HELZ: variants seen among roughly 807,000 people sequenced by gnomAD.
The protein encoded by HELZ is helicase with zinc finger.
HELZ carries 23 observed loss-of-function variants against 218.2 expected under a neutral mutation model. The ratio of observed to expected loss-of-function variants is 0.11; its 90% confidence interval spans 0.08 to 0.15. The LOEUF is 0.15. Ranked by LOEUF, HELZ falls within the 10% of genes least tolerant of loss-of-function variation. HELZ has a pLI of 1.00. For synonymous variants in HELZ, 814 were observed against 829.4 expected, an observed-to-expected ratio of 0.98 and a Z score of 0.32; for missense variants, 1,813 against 2,353.7, an observed-to-expected ratio of 0.77 and a Z score of 4.75.
chr17:67,137,907 G>A (rs752929351), intron 22 of HELZ, 24 bp downstream of exon 22: 2 of 1,542,220 alleles, frequency 1.3e-6, no homozygotes, highest in Non-Finnish European at 8.9e-7. Context: ...TTGAATGACT[G>A]AATTCATTTC....
intron 17 of HELZ, 31 bp from the exon 18 acceptor site, chr17:67,151,255 A>G: frequency 6.5e-7 from 1 of 1,538,980 alleles, no homozygotes; most frequent in Non-Finnish European, 8.9e-7. Context: ...TCTGATTTAC[A>G]TTTACTAATT....
rs546681552 is a variant in HELZ, at chr17:67,203,030, G to A, written c.372+289C>T. Among the ~76,000 whole-genome samples, 10 of 152,128 alleles carry A rather than the reference G, an allele frequency of 6.6e-5. No individual in the cohort carries two copies. The East Asian group carries it at 1.4e-3, about 21-fold the overall frequency. ...CCAGCTACTCAGGAGGCTGAGGCAG[G>A]AGGATCGCTTGAGCCCAGGAGGTTG... On this transcript the variant is annotated intron_variant, in intron 6 of 32. Coordinates refer to ENST00000358691, the MANE Select transcript of HELZ (RefSeq NM_014877.4).
At chr17:67,199,750 T>A (rs1476616778) in intron 7 of HELZ, among the ~76,000 whole-genome samples, 2 of 152,316 alleles carry the variant, frequency 1.3e-5, no homozygotes, top group Admixed American at 6.5e-5. Context: ...TTTTTTGGTA[T>A]GAACTGGGAT....
intron 5 of HELZ, among the ~76,000 whole-genome samples, chr17:67,205,671 A>T (rs1598420348): frequency 6.6e-6 from 1 of 152,212 alleles, no homozygotes; most frequent in Non-Finnish European, 1.5e-5. Context: ...TTTCAACTTC[A>T]TATGATGATG....
chr17:67,215,833 C>G, intron 5 of HELZ, 66 bp downstream of exon 5: 1 of 855,180 alleles, frequency 1.2e-6, no homozygotes, highest in East Asian at 3.3e-5. Context: ...TGAAATTAGC[C>G]AAAAAAAAAA....
intron 15 of HELZ, among the ~76,000 whole-genome samples, chr17:67,162,074 T>C (rs1487970308): frequency 2.0e-5 from 3 of 152,310 alleles, no homozygotes; most frequent in Admixed American, 2.0e-4. Flanking sequence ...TGTACTTAAA[T>C]CAGAAGGTGG....
intron 17 of HELZ, among the ~76,000 whole-genome samples, chr17:67,157,728 A>G (rs1244078648): frequency 6.6e-6 from 1 of 152,222 alleles, no homozygotes; most frequent in African/African-American, 2.4e-5. Context: ...TTCCTGTAGT[A>G]AATTTATATG....
chr17:67,201,048 G>T (rs1410525430), intron 7 of HELZ, 81 bp downstream of exon 7: 3 of 1,099,450 alleles, frequency 2.7e-6, no homozygotes, highest in Non-Finnish European at 4.2e-6. Flanking sequence ...TGCCACAATG[G>T]TTTTCCAAAT....
chr17:67,195,549 A>AC lies in HELZ; in HGVS notation c.430-80_430-79insG. 3.7e-6 allele frequency: 3 copies of AC among 803,788 alleles called. No individual in the cohort carries two copies. In the South Asian group the frequency reaches 4.6e-5, roughly 12 times the overall value. The allele number at this position is 803,788 out of a possible 1,614,324, so 49.8% of individuals were successfully genotyped here. Reference sequence around the variant, plus strand: ...ACTAAACTTGAACATTTTCAATATTAAAACAAAGGTGAAGTTGGAATACTC... The same window carrying AC: ...ACTAAACTTGAACATTTTCAATATTACAAACAAAGGTGAAGTTGGAATACTC... On this transcript the variant is annotated intron_variant, in intron 7 of 32. Transcript: ENST00000358691.
Position 67,074,761 on chromosome 17 carries a change from T to C in HELZ, c.*3491A>G, listed in dbSNP as rs1468518172. The C allele has an allele frequency of 6.6e-6, 1 of 152,034 alleles. No individual in the cohort carries two copies. The highest frequency in any genetic ancestry group is 6.6e-5 in the Admixed American group (1 of 15,262). The allele number at this position is 152,034 out of a possible 1,614,324, so 9.4% of individuals were successfully genotyped here. On this transcript the variant is annotated 3_prime_UTR_variant, in exon 33 of 33. Transcript: ENST00000358691. ...GTTTAATTAGGTAATGCTTATTCAG[T>C]GGGAATTCTGCTTATTTTACTTATT...
chr17:67,189,499 A>C, intron 11 of HELZ, 90 bp downstream of exon 11: 1 of 744,864 alleles, frequency 1.3e-6, no homozygotes, highest in African/African-American at 1.8e-5. Context: ...AAATATTTTC[A>C]ATATTCTTTA....
intron 31 of HELZ, among the ~76,000 whole-genome samples, chr17:67,089,716 G>GAGAGAC (rs1300791307): frequency 0.033 from 4,614 of 139,746 alleles, 360 homozygotes; most frequent in African/African-American, 0.13. Flanking sequence ...GAGACAGAGA[G>GAGAGAC]AGAGACAGAG....
Position 67,109,341 on chromosome 17 carries a change from C to T in HELZ, c.4264G>A (p.Ala1422Thr). 3.1e-6 allele frequency: 5 copies of T among 1,614,130 alleles called. No individual in the cohort carries two copies. Among genetic ancestry groups the T allele is most frequent in the Non-Finnish European group, 4.2e-6 (5 of 1,180,030 alleles). ...PQQPPPQLSP[A>T]YQAGPNNAFF... Reference sequence around the variant, plus strand: ...GCATTGTTGGGTCCCGCCTGATATGCAGGAGAAAGCTGAGGAGGTGGCTGC... The same window carrying T: ...GCATTGTTGGGTCCCGCCTGATATGTAGGAGAAAGCTGAGGAGGTGGCTGC... Residue 1422 changes from alanine to threonine, a missense_variant, in exon 29 of 33, where the codon GCA becomes ACA. By Grantham distance (58) the Ala-to-Thr change is moderately conservative. This residue lies in a region of HELZ where 938 missense variants were observed against 1,027.5 expected (regional missense o/e 0.91). Coordinates refer to ENST00000358691, the MANE Select transcript of HELZ (RefSeq NM_014877.4).
chr17:67,139,223 T>G (rs1335423021), intron 21 of HELZ, among the ~76,000 whole-genome samples: 1 of 152,166 alleles, frequency 6.6e-6, no homozygotes, highest in Non-Finnish European at 1.5e-5. Context: ...AGGTAAGGAC[T>G]ACAGTCATCC....
At chr17:67,181,454 T>C (rs2039610125) in intron 12 of HELZ, among the ~76,000 whole-genome samples, 1 of 152,210 alleles carries the variant, frequency 6.6e-6, no homozygotes, top group South Asian at 2.1e-4. Context: ...TCATTATCTA[T>C]ATAGTACCCT....
intron 5 of HELZ, among the ~76,000 whole-genome samples, chr17:67,214,291 A>T: frequency 1.7e-5 from 2 of 120,188 alleles, no homozygotes; most frequent in African/African-American, 6.4e-5. Context: ...TTTGAGACAG[A>T]GTCTCACTCT....
intron 7 of HELZ, among the ~76,000 whole-genome samples, chr17:67,199,495 G>A (rs1437268414): frequency 6.6e-6 from 1 of 152,094 alleles, no homozygotes; most frequent in African/African-American, 2.4e-5. Context: ...TTATAGGCGT[G>A]AAGCACCGCA....
chr17:67,139,544 T>A (rs1396004711), intron 21 of HELZ, among the ~76,000 whole-genome samples: 2 of 152,164 alleles, frequency 1.3e-5, no homozygotes, highest in Non-Finnish European at 2.9e-5. Context: ...AATGATGATA[T>A]GAGTCATTCT....
At chr17:67,200,390 A>G (rs1189265065) in intron 7 of HELZ, among the ~76,000 whole-genome samples, 2 of 151,938 alleles carry the variant, frequency 1.3e-5, no homozygotes. Flanking sequence ...TCTCCTAAAC[A>G]CATTCCTTAA....
Sources: allele counts gnomAD v4.1 joint callset (sites outside exome capture counted in the v4.1 genomes callset), GRCh38; gene constraint gnomAD v4.1.1; regional missense constraint gnomAD v4.1.1; transcripts MANE v1.5; gene names NCBI Gene and HGNC (gene_info 2026-07-23, HGNC 2026-07-21).